PALS1: variants seen among roughly 807,000 people sequenced by gnomAD.
The protein encoded by PALS1 is protein PALS1.
Under a neutral mutation model 78.9 loss-of-function variants are expected in PALS1, and 31 were observed. The ratio of observed to expected loss-of-function variants is 0.39; its 90% confidence interval spans 0.30 to 0.53. PALS1 has a LOEUF of 0.53. Among genes scored for constraint, PALS1 ranks in the 20% least tolerant of loss-of-function variants. The probability of loss-of-function intolerance (pLI) is 0.67; values close to 1 mark genes in which losing one functional copy is unlikely to be tolerated. For missense variants in PALS1, 704 were observed against 826.5 expected (o/e 0.85, Z 1.82); for synonymous variants, 276 against 270.9 (o/e 1.02, Z -0.18).
chr14:67,320,493 A>G, intron 12 of PALS1, 96 bp downstream of exon 12: 1 of 1,174,192 alleles, frequency 8.5e-7, no homozygotes, highest in Non-Finnish European at 1.1e-6. Context: ...TCATTTCATT[A>G]AAACACTGTT....
At chr14:67,264,691 T>G (rs2084291644) in intron 1 of PALS1, among the ~76,000 whole-genome samples, 1 of 152,200 alleles carries the variant, frequency 6.6e-6, no homozygotes, top group African/African-American at 2.4e-5. Flanking sequence ...CAGTGTTTTT[T>G]TCGAGCTCTT....
At chr14:67,262,145 A>G (rs1196841407) in intron 1 of PALS1, among the ~76,000 whole-genome samples, 1 of 152,166 alleles carries the variant, frequency 6.6e-6, no homozygotes, top group Non-Finnish European at 1.5e-5. Context: ...TTTCAGGGCA[A>G]TTGTAGAGAT....
At chr14:67,279,655 G>A in intron 3 of PALS1, 118 bp downstream of exon 3, 1 of 1,015,418 alleles carries the variant, frequency 9.8e-7, no homozygotes, top group Non-Finnish European at 1.4e-6. Context: ...TTGAATTCCA[G>A]ACCAAGATCC....
rs188456864 is a variant in PALS1 at position 67,322,261 on chromosome 14, T to C, written c.1740+1002T>C. Among the ~76,000 whole-genome samples the C allele has an allele frequency of 4.0e-3, 606 of 151,994 alleles. 5 individuals carry two copies. Among genetic ancestry groups the C allele is most frequent in the Non-Finnish European group, 5.9e-3 (398 of 67,962 alleles). On this transcript the variant is annotated intron_variant, in intron 13 of 14. Transcript: ENST00000261681. Reference sequence around the variant, plus strand: ...TGCTTGGGAGGCTGGGGTGGGAAAATCGCCTGAGCCAGGGAGGCGGAGATT... The same window carrying C: ...TGCTTGGGAGGCTGGGGTGGGAAAACCGCCTGAGCCAGGGAGGCGGAGATT...
intron 1 of PALS1, among the ~76,000 whole-genome samples, chr14:67,259,941 A>G (rs1216291919): frequency 4.0e-5 from 6 of 151,766 alleles, no homozygotes; most frequent in South Asian, 4.2e-4. Flanking sequence ...AGTTTCTTCT[A>G]CTTTAACTTT....
At chr14:67,261,236 C>T (rs2084231841) in intron 1 of PALS1, among the ~76,000 whole-genome samples, 1 of 152,010 alleles carries the variant, frequency 6.6e-6, no homozygotes, top group African/African-American at 2.4e-5. Context: ...GTTAATCTGG[C>T]AATACTGTGT....
chr14:67,289,619 A>G (rs1437464776), intron 3 of PALS1, among the ~76,000 whole-genome samples: 1 of 152,150 alleles, frequency 6.6e-6, no homozygotes, highest in Non-Finnish European at 1.5e-5. Flanking sequence ...AACCTCAAGA[A>G]TCAACCAAAG....
In PALS1 at chr14:67,325,292, A is replaced by G. The variant is rs79617208; in HGVS notation, c.1851+1480A>G. On this transcript the variant is annotated intron_variant, in intron 14 of 14. Transcript: ENST00000261681. Reference sequence around the variant, plus strand: ...AAATATCTTTTTTCACTCTATGTCTACTTAACATTTCTTAATCTATATGTG... The same window carrying G: ...AAATATCTTTTTTCACTCTATGTCTGCTTAACATTTCTTAATCTATATGTG... 4.1e-3 allele frequency among the ~76,000 whole-genome samples: 618 copies of G among 152,216 alleles called. 19 individuals carry two copies. The East Asian group carries it at 0.06, about 15-fold the overall frequency.
In PALS1 at chr14:67,266,518, G is replaced by A. The variant is rs534382084; in HGVS notation, c.-236-3183G>A. 4.6e-4 allele frequency among the ~76,000 whole-genome samples: 70 copies of A among 152,114 alleles called. 1 individual carries two copies. In the Middle Eastern group the frequency reaches 0.017, roughly 37 times the overall value. ...TTTTTGTATTTTTAGTAGAGACAGG[G>A]TTTCACCATGTTGGCCAGGCTGGTC... On this transcript the variant is annotated intron_variant, in intron 1 of 14. Coordinates refer to ENST00000261681, the MANE Select transcript of PALS1 (RefSeq NM_022474.4).
intron 1 of PALS1, among the ~76,000 whole-genome samples, chr14:67,245,080 A>G (rs891309778): frequency 3.9e-5 from 6 of 152,376 alleles, no homozygotes; most frequent in African/African-American, 1.4e-4. Flanking sequence ...AAGAGGCTCC[A>G]GAAAAGAAAG....
At chr14:67,293,927 A>G (rs573435528) in intron 4 of PALS1, among the ~76,000 whole-genome samples, 4 of 152,198 alleles carry the variant, frequency 2.6e-5, no homozygotes, top group Non-Finnish European at 5.9e-5. Flanking sequence ...AATTGCTCCA[A>G]TTGAAAAAAG....
chr14:67,256,796 T>TCACACACACA (rs1383880916), intron 1 of PALS1, among the ~76,000 whole-genome samples: 4 of 120,090 alleles, frequency 3.3e-5, no homozygotes, highest in South Asian at 3.2e-4. Context: ...CAGAAACTAT[T>TCACACACACA]GACACACACA....
At chr14:67,302,360 C>A in intron 6 of PALS1, 50 bp from the exon 7 acceptor site, 1 of 1,267,136 alleles carries the variant, frequency 7.9e-7, no homozygotes, top group South Asian at 2.2e-5. Context: ...AAATGCTTAA[C>A]AAAAATTGTA....
At position 67,333,009 on chromosome 14, in the gene PALS1, T is replaced by C. The variant is rs935554745; in HGVS notation, c.*53T>C. 6 of 1,510,832 alleles carry C rather than the reference T, an allele frequency of 4.0e-6. No individual in the cohort carries two copies. The highest frequency in any genetic ancestry group is 2.3e-5 in the East Asian group (1 of 43,922). The allele number at this position is 1,510,832 out of a possible 1,614,324, so 93.6% of individuals were successfully genotyped here. A position where few individuals can be genotyped will look rare whatever the true frequency, so the allele number is the denominator to read the frequency against. On this transcript the variant is annotated 3_prime_UTR_variant, in exon 15 of 15. Transcript: ENST00000261681. Reference sequence around the variant, plus strand: ...GACTTGATCTGGCAAAAACTGCCAATAGGAGGACTGCCCGACACTGCAGCA... The same window carrying C: ...GACTTGATCTGGCAAAAACTGCCAACAGGAGGACTGCCCGACACTGCAGCA...
At chr14:67,312,189 A>G (rs8015912) in intron 8 of PALS1, 14,343 of 163,794 alleles carry the variant, frequency 0.088, 1,232 homozygotes, top group African/African-American at 0.23. Context: ...CATATCTGCA[A>G]GTCAACAGAG....
intron 1 of PALS1, among the ~76,000 whole-genome samples, chr14:67,247,586 CT>C (rs1191047692): frequency 4.0e-4 from 59 of 146,092 alleles, no homozygotes; most frequent in Admixed American, 5.5e-4. Context: ...ATCTTGTTCA[CT>C]TTTTTTTTTT....
chr14:67,295,106 T>TGTGTGTGTGTGC (rs1478522293), intron 4 of PALS1: 3 of 136,542 alleles, frequency 2.2e-5, no homozygotes, highest in Admixed American at 7.4e-5. Flanking sequence ...GATATTGAAG[T>TGTGTGTGTGTGC]GTGTGTGTGT....
At chr14:67,325,126 T>C (rs557726641) in intron 14 of PALS1, among the ~76,000 whole-genome samples, 10 of 152,016 alleles carry the variant, frequency 6.6e-5, no homozygotes, top group South Asian at 4.2e-4. Context: ...AGGATGGTCT[T>C]GATCTCCTGA....
intron 3 of PALS1, among the ~76,000 whole-genome samples, chr14:67,288,777 T>C (rs1233354849): frequency 6.6e-6 from 1 of 152,134 alleles, no homozygotes; most frequent in African/African-American, 2.4e-5. Flanking sequence ...TATTAGCTTA[T>C]GGTTAGATTC....
Sources: allele counts gnomAD v4.1 joint callset (sites outside exome capture counted in the v4.1 genomes callset), GRCh38; gene constraint gnomAD v4.1.1; transcripts MANE v1.5; gene names NCBI Gene and HGNC (gene_info 2026-07-23, HGNC 2026-07-21).